Variants in FAHD1 observed in about 807,000 individuals in gnomAD.
FAHD1 encodes FAH domain containing oxaloacetate decarboxylase 1, also known as oxaloacetate tautomerase FAHD1, mitochondrial.
Under a neutral mutation model 12.7 loss-of-function variants are expected in FAHD1, and 14 were observed. That is an observed-to-expected ratio of 1.10 (90% CI 0.73 to 1.72). The LOEUF is 1.72. Among genes scored for constraint, FAHD1 ranks in the 40% most tolerant of loss-of-function variants. FAHD1 has a pLI of 0.00. For missense variants in FAHD1, 351 were observed against 298.9 expected (o/e 1.17, Z -1.29); for synonymous variants, 153 against 124.9 (o/e 1.22, Z -1.50).
chr16:1,829,343 T>C (rs1898582151), downstream of FAHD1, among the ~76,000 whole-genome samples: 1 of 152,190 alleles, frequency 6.6e-6, no homozygotes, highest in Admixed American at 6.5e-5. Context: ...CCACGTGTTA[T>C]GTAACCAGCA....
exon 1 of FAHD1, chr16:1,828,551 G>C: frequency 1.0e-6 from 1 of 1,000,198 alleles, no homozygotes; most frequent in South Asian, 4.7e-5. Context: ...AAAACTGAAA[G>C]TTATGTTCCA....
chr16:1,837,678 G>T, intron 1 of FAHD1: 1 of 592,712 alleles, frequency 1.7e-6, no homozygotes, highest in Non-Finnish European at 2.9e-6. Context: ...CTGGGAACTG[G>T]GCATTAGAAA....
intron 1 of FAHD1, among the ~76,000 whole-genome samples, chr16:1,837,440 A>C (rs1352132372): frequency 1.9e-4 from 29 of 152,156 alleles, no homozygotes; most frequent in Admixed American, 1.9e-3. Flanking sequence ...TCCTGGGTTC[A>C]GGTGATCCTC....
intron 1 of FAHD1, chr16:1,834,141 A>G (rs1364928217): frequency 1.1e-5 from 7 of 631,204 alleles, no homozygotes; most frequent in South Asian, 2.1e-5. Flanking sequence ...TTCTAGAAAC[A>G]TGTTCACCAC....
At position 1,827,395 on chromosome 16, in the gene FAHD1, G is replaced by A. The variant is rs758168909; in HGVS notation, c.157G>A (p.Gly53Ser). Residue 53 changes from glycine to serine, a missense_variant, in exon 1 of 1, where the codon GGC becomes AGC. Gly to Ser is a moderately conservative substitution (Grantham distance 56). Coordinates refer to ENST00000427358, the Ensembl canonical transcript of FAHD1. The stretch of plus-strand genomic sequence containing the variant: ...GCCGTCCACGGCCTACGCGCCCGAG[G>A]GCTCGCCCATCCTCATGCCCGCGTA... 7.4e-6 allele frequency: 12 copies of A among 1,611,660 alleles called. No homozygotes were observed. In the African/African-American group the frequency reaches 1.5e-4, roughly 20 times the overall value.
exon 1 of FAHD1, chr16:1,827,463 G>T: frequency 6.2e-7 from 1 of 1,611,256 alleles, no homozygotes; most frequent in Non-Finnish European, 8.5e-7. Context: ...GCGTGGTGAT[G>T]GGCAAGCGCT....
At chr16:1,830,946 C>CACACACACACACA, downstream of FAHD1, among the ~76,000 whole-genome samples, 1 of 35,288 alleles carries the variant, frequency 2.8e-5, no homozygotes, top group African/African-American at 1.1e-4. Context: ...ACACACACAC[C>CACACACACACACA]CATATTTTGG....
exon 1 of FAHD1, chr16:1,827,246 C>T (rs373607849): frequency 1.9e-6 from 3 of 1,603,912 alleles, no homozygotes; most frequent in Non-Finnish European, 2.6e-6. Flanking sequence ...ATCATGGCAG[C>T]ATCCAGGCCA....
chr16:1,833,554 C>CT (rs769668788), downstream of FAHD1, among the ~76,000 whole-genome samples: 2,205 of 114,258 alleles, frequency 0.019, 87 homozygotes, highest in South Asian at 0.064. Context: ...TTTAGAGGTA[C>CT]TTTTTTTTTT....
downstream of FAHD1, among the ~76,000 whole-genome samples, chr16:1,831,051 T>G (rs1328494514): frequency 6.6e-6 from 1 of 152,188 alleles, no homozygotes; most frequent in Non-Finnish European, 1.5e-5. Context: ...ATGAGACCAT[T>G]ATCACGCTTA....
intron 1 of FAHD1, among the ~76,000 whole-genome samples, chr16:1,837,419 T>C (rs1183423081): frequency 6.6e-6 from 1 of 152,166 alleles, no homozygotes. Flanking sequence ...TTGCCCAGGC[T>C]GGCCTCAAAC....
exon 1 of FAHD1, chr16:1,827,677 C>A: frequency 6.2e-7 from 1 of 1,614,146 alleles, no homozygotes; most frequent in Non-Finnish European, 8.5e-7. Flanking sequence ...GAAGCTCTGG[C>A]TCAAGGTCAA....
chr16:1,839,518 T>C (rs1324303575), exon 3 of FAHD1: 3 of 1,304,674 alleles, frequency 2.3e-6, no homozygotes, highest in Non-Finnish European at 3.2e-6. Context: ...GAATTGTCAC[T>C]AAAAACTCTA....
chr16:1,838,176 G>A (rs67309640), intron 2 of FAHD1: 3 of 483,732 alleles, frequency 6.2e-6, no homozygotes, highest in African/African-American at 5.9e-5. Context: ...TATGTTTTAT[G>A]TTTTGTAGAG....
chr16:1,836,394 G>T (rs1299349943), intron 1 of FAHD1, among the ~76,000 whole-genome samples: 4 of 152,156 alleles, frequency 2.6e-5, no homozygotes, highest in Non-Finnish European at 5.9e-5. Context: ...AAGTTCCCAT[G>T]AACTTAAGTT....
chr16:1,839,515 C>A (rs1338498930), exon 3 of FAHD1: 7 of 1,335,330 alleles, frequency 5.2e-6, no homozygotes, highest in Non-Finnish European at 7.2e-6. Context: ...AAAGAATTGT[C>A]ACTAAAAACT....
downstream of FAHD1, among the ~76,000 whole-genome samples, chr16:1,833,253 C>T (rs575069268): frequency 6.6e-6 from 1 of 152,112 alleles, no homozygotes; most frequent in East Asian, 1.9e-4. Context: ...GAGTAGGTCC[C>T]CCTCAGAGTT....
At chr16:1,829,086 G>A (rs1299590283), downstream of FAHD1, among the ~76,000 whole-genome samples, 2 of 152,144 alleles carry the variant, frequency 1.3e-5, no homozygotes, top group Non-Finnish European at 2.9e-5. Context: ...TGTGGAAGTT[G>A]AATAGCCTGG....
chr16:1,827,684 T>A, exon 1 of FAHD1: 1 of 1,614,118 alleles, frequency 6.2e-7, no homozygotes, highest in Non-Finnish European at 8.5e-7. Flanking sequence ...TGGCTCAAGG[T>A]CAACGGCGAA....
Sources: allele counts gnomAD v4.1 joint callset (sites outside exome capture counted in the v4.1 genomes callset), GRCh38; gene constraint gnomAD v4.1.1; transcripts MANE v1.5; gene names NCBI Gene and HGNC (gene_info 2026-07-23, HGNC 2026-07-21).